The following PAM variants were observed in gnomAD, a reference collection of about 807,000 sequenced individuals.
PAM encodes the protein peptidyl-glycine alpha-amidating monooxygenase.
In PAM, 72 loss-of-function variants were observed where a neutral mutation model predicts 122.1. The ratio of observed to expected loss-of-function variants is 0.59; its 90% CI spans 0.49 to 0.72. PAM has a LOEUF of 0.72. PAM is among the 30% of genes least tolerant of loss of function. The pLI, the probability that PAM is intolerant of heterozygous loss-of-function variation, is 0.00. For missense variants in PAM, 1,106 were observed against 1,183.7 expected (o/e 0.93, Z 0.96); for synonymous variants, 389 against 404.4 (o/e 0.96, Z 0.46).
intron 1 of PAM, among the ~76,000 whole-genome samples, chr5:102,859,761 T>G (rs775195075): frequency 6.6e-6 from 1 of 152,218 alleles, no homozygotes; most frequent in African/African-American, 2.4e-5. Context: ...AAGTGCCGTA[T>G]ACAAATGTAC....
At chr5:102,952,605 G>A (rs2150109929) in intron 12 of PAM, among the ~76,000 whole-genome samples, 1 of 152,218 alleles carries the variant, frequency 6.6e-6, no homozygotes, top group South Asian at 2.1e-4. Flanking sequence ...AGTAAGACAA[G>A]TTTTAATACA....
intron 7 of PAM, among the ~76,000 whole-genome samples, chr5:102,943,148 ATCTGTCTTT>A (rs1378015415): frequency 1.3e-5 from 2 of 152,102 alleles, no homozygotes; most frequent in Non-Finnish European, 2.9e-5. Context: ...TCAGCGGTTA[ATCTGTCTTT>A]TTATTGAAGC....
chr5:103,005,765 A>G (rs999759300), intron 18 of PAM, among the ~76,000 whole-genome samples: 2 of 152,200 alleles, frequency 1.3e-5, no homozygotes, highest in Admixed American at 6.5e-5. Flanking sequence ...TTAGAACTCA[A>G]TGCTAGGGAA....
At chr5:102,853,035 C>A (rs1580952439) in intron 1 of PAM, among the ~76,000 whole-genome samples, 1 of 152,162 alleles carries the variant, frequency 6.6e-6, no homozygotes, top group Non-Finnish European at 1.5e-5. Flanking sequence ...AAACATCCAG[C>A]CACTTTTGGA....
chr5:102,761,685 A>G (rs1332141555), intron 1 of PAM, among the ~76,000 whole-genome samples: 1 of 152,236 alleles, frequency 6.6e-6, no homozygotes. Flanking sequence ...CAAGCTTTTA[A>G]AAGTCTGAAG....
chr5:103,011,378 T>TCTCA (rs1554179597), intron 21 of PAM, among the ~76,000 whole-genome samples: 2 of 148,616 alleles, frequency 1.3e-5, no homozygotes, highest in African/African-American at 2.5e-5. Context: ...AAACACACAC[T>TCTCA]CACACACACA....
intron 16 of PAM, among the ~76,000 whole-genome samples, chr5:102,992,726 C>G (rs1774498810): frequency 6.6e-6 from 1 of 152,174 alleles, no homozygotes; most frequent in East Asian, 1.9e-4. Context: ...GTTGGAAACT[C>G]CATTCTTCTT....
At chr5:102,882,873 A>G (rs1325399551) in intron 3 of PAM, among the ~76,000 whole-genome samples, 1 of 152,040 alleles carries the variant, frequency 6.6e-6, no homozygotes, top group East Asian at 1.9e-4. Flanking sequence ...TAAGTCTTTG[A>G]TCCATCTTGA....
chr5:102,999,781 G>A (rs1229260514), intron 16 of PAM, among the ~76,000 whole-genome samples: 1 of 152,118 alleles, frequency 6.6e-6, no homozygotes, highest in Non-Finnish European at 1.5e-5. Flanking sequence ...TTTTAGCCAA[G>A]TCCTAGGACA....
chr5:102,929,667 T>C (rs1446074496), intron 7 of PAM, among the ~76,000 whole-genome samples: 1 of 152,114 alleles, frequency 6.6e-6, no homozygotes, highest in Non-Finnish European at 1.5e-5. Flanking sequence ...CTTTCTTTAA[T>C]AAAGCACCAG....
chr5:102,905,159 G>A (rs1240833325), intron 4 of PAM, among the ~76,000 whole-genome samples: 2 of 151,564 alleles, frequency 1.3e-5, no homozygotes, highest in Non-Finnish European at 3.0e-5. Context: ...AATAATATCT[G>A]CATTTGACCA....
intron 15 of PAM, among the ~76,000 whole-genome samples, chr5:102,983,586 T>A (rs1266003221): frequency 1.3e-5 from 2 of 151,946 alleles, no homozygotes; most frequent in Non-Finnish European, 2.9e-5. Flanking sequence ...TTCTAGAAAG[T>A]GTAGAGATGG....
intron 1 of PAM, among the ~76,000 whole-genome samples, chr5:102,802,264 A>G (rs1049389198): frequency 6.6e-6 from 1 of 152,202 alleles, no homozygotes; most frequent in Non-Finnish European, 1.5e-5. Flanking sequence ...ATCATGTATA[A>G]TTCCTTTGAT....
intron 3 of PAM, among the ~76,000 whole-genome samples, chr5:102,876,775 G>A (rs1789350660): frequency 6.6e-6 from 1 of 152,210 alleles, no homozygotes; most frequent in African/African-American, 2.4e-5. Flanking sequence ...CTGAAGCTAT[G>A]ATTCCATCCC....
At chr5:102,862,257 G>A (rs1784396082) in intron 1 of PAM, among the ~76,000 whole-genome samples, 2 of 150,004 alleles carry the variant, frequency 1.3e-5, no homozygotes, top group Non-Finnish European at 1.5e-5. Context: ...TAGCATTCTG[G>A]TTTTTGTAAC....
chr5:102,809,230 A>G (rs1019268209), intron 1 of PAM, among the ~76,000 whole-genome samples: 3 of 152,044 alleles, frequency 2.0e-5, no homozygotes, highest in African/African-American at 7.2e-5. Flanking sequence ...GAAGAATGTA[A>G]TACTTGGCCA....
chr5:102,978,903 T>A (rs1457344656), intron 15 of PAM, among the ~76,000 whole-genome samples: 1 of 151,412 alleles, frequency 6.6e-6, no homozygotes, highest in Non-Finnish European at 1.5e-5. Context: ...CATTGATTCA[T>A]TAGAAAGGAA....
At chr5:102,766,926 ATTTTTTTTT>A in intron 1 of PAM, among the ~76,000 whole-genome samples, 329 of 25,860 alleles carry the variant, frequency 0.013, 22 homozygotes, top group East Asian at 0.031. Context: ...TCAGTTGTGG[ATTTTTTTTT>A]TTTTTTTTTT....
chr5:102,867,318 C>T lies in PAM; in HGVS notation c.135C>T (p.Thr45=). ...TRPFSNECLG[T]TRPVVPIDSS... The stretch of plus-strand genomic sequence containing the variant: ...CATTTTCCAATGAATGTCTTGGTAC[C>T]ACCAGACCCGTAGTTCCTATTGATT... Residue 45 remains threonine, a synonymous_variant, in exon 3 of 26, where the codon ACC becomes ACT. Transcript: ENST00000438793. The T allele has an allele frequency of 6.3e-7, 1 of 1,598,810 alleles. No homozygotes were observed. The highest frequency in any genetic ancestry group is 8.6e-7 in the Non-Finnish European group (1 of 1,166,284).
Sources: allele counts gnomAD v4.1 joint callset (sites outside exome capture counted in the v4.1 genomes callset), GRCh38; gene constraint gnomAD v4.1.1; transcripts MANE v1.5; gene names NCBI Gene and HGNC (gene_info 2026-07-23, HGNC 2026-07-21).